ATG10: variants seen among roughly 807,000 people sequenced by gnomAD.
ATG10 encodes ubiquitin-like-conjugating enzyme ATG10.
In ATG10, 30 loss-of-function variants were observed where a neutral mutation model predicts 32.1. The observed-to-expected ratio is 0.94, with a 90% CI of 0.70 to 1.27. The LOEUF (loss-of-function observed/expected upper bound fraction) is 1.27. Ranked by LOEUF, ATG10 falls within the 50% of genes most tolerant of loss-of-function variation. The probability of loss-of-function intolerance (pLI) is 0.00; values close to 1 mark genes in which losing one functional copy is unlikely to be tolerated. For missense variants in ATG10, 233 were observed against 262.3 expected, an observed-to-expected ratio of 0.89 and a Z score of 0.77; for synonymous variants, 87 against 91.5, an observed-to-expected ratio of 0.95 and a Z score of 0.28.
intron 3 of ATG10, among the ~76,000 whole-genome samples, chr5:82,084,009 A>T (rs891781198): frequency 3.3e-5 from 5 of 152,208 alleles, no homozygotes; most frequent in Admixed American, 2.0e-4. Context: ...AAGGCTTCAG[A>T]CGATCGGTAA....
At chr5:82,012,410 T>TC (rs1762150794) in intron 2 of ATG10, among the ~76,000 whole-genome samples, 1 of 152,214 alleles carries the variant, frequency 6.6e-6, no homozygotes, top group Admixed American at 6.5e-5. Context: ...GTTTATTAGT[T>TC]ATTTGGTACT....
chr5:82,186,949 T>C (rs974167384), intron 5 of ATG10, among the ~76,000 whole-genome samples: 16 of 152,162 alleles, frequency 1.1e-4, no homozygotes, highest in Admixed American at 6.5e-4. Context: ...TTTTCCTGTT[T>C]GGGGAAACAA....
intron 5 of ATG10, among the ~76,000 whole-genome samples, chr5:82,220,134 G>A (rs1745855978): frequency 6.6e-6 from 1 of 152,220 alleles, no homozygotes; most frequent in Admixed American, 6.5e-5. Context: ...CATGGGGAAG[G>A]GAATAAGAGG....
intron 2 of ATG10, among the ~76,000 whole-genome samples, chr5:82,027,071 AAATAAAAT>A (rs1762613656): frequency 1.1e-5 from 1 of 87,208 alleles, no homozygotes; most frequent in Non-Finnish European, 2.6e-5. Context: ...AAAAATGAAT[AAATAAAAT>A]AAATAAATAA....
rs1205918418 is a variant in ATG10, at chr5:81,993,388, CTTTTT to C, written c.108+5715_108+5719del. Among the ~76,000 whole-genome samples the C allele has an allele frequency of 5.2e-3, 437 of 84,840 alleles. 8 individuals carry two copies. Among genetic ancestry groups the C allele is most frequent in the African/African-American group, 0.014 (246 of 17,140 alleles). 55.7% of individuals were successfully genotyped at this position (84,840 alleles called of 152,430 possible). A position where few individuals can be genotyped will look rare whatever the true frequency, so the allele number is the denominator to read the frequency against. On this transcript the variant is annotated intron_variant, in intron 2 of 7. Transcript: ENST00000282185. ...CTTTTCTTTTCTTTTCTTTTCTTTT[CTTTTT>C]TTTTCTTTTCTTTTCTTTTCTTTTC...
chr5:82,021,913 C>T (rs920626860), intron 2 of ATG10, among the ~76,000 whole-genome samples: 41 of 151,928 alleles, frequency 2.7e-4, no homozygotes, highest in African/African-American at 9.9e-4. Flanking sequence ...GTCCCAGCTA[C>T]TCAGGAGGCT....
chr5:82,069,751 T>C (rs1764062097), intron 3 of ATG10, among the ~76,000 whole-genome samples: 1 of 152,208 alleles, frequency 6.6e-6, no homozygotes, highest in African/African-American at 2.4e-5. Context: ...ATCTATTTTA[T>C]TAAAGGATAC....
At chr5:81,995,050 T>G (rs1164189245) in intron 2 of ATG10, among the ~76,000 whole-genome samples, 1 of 152,214 alleles carries the variant, frequency 6.6e-6, no homozygotes, top group Non-Finnish European at 1.5e-5. Context: ...CTGAAAAACA[T>G]TGTATAATCT....
In ATG10 at chr5:82,100,300, C is replaced by A. The variant is rs543778333; in HGVS notation, c.216+41698C>A. Among the ~76,000 whole-genome samples the A allele has an allele frequency of 2.0e-5, 3 of 152,208 alleles. No homozygotes were observed. The South Asian group carries it at 6.2e-4, about 32-fold the overall frequency. On this transcript the variant is annotated intron_variant, in intron 3 of 7. Transcript: ENST00000282185. ...GGGATTATAGGCGTGAGCCACCGCA[C>A]CTGGCCCAGTGATTTCTTTTTTCTA...
rs555894038 is a variant in ATG10 at position 82,094,929 on chromosome 5, AAC to A, written c.216+36332_216+36333del. Reference sequence around the variant, plus strand: ...TAGATGATACAGTGGAAAATATACAAACACACGAACACATGCACACATACATA... The same window carrying A: ...TAGATGATACAGTGGAAAATATACAAACACGAACACATGCACACATACATA... On this transcript the variant is annotated intron_variant, in intron 3 of 7. Transcript: ENST00000282185. Among the ~76,000 whole-genome samples the A allele has an allele frequency of 2.3e-3, 344 of 152,300 alleles. 1 individual carries two copies. Among genetic ancestry groups the A allele is most frequent in the African/African-American group, 8.0e-3 (332 of 41,574 alleles).
At chr5:81,986,109 C>A (rs141846189) in intron 1 of ATG10, among the ~76,000 whole-genome samples, 2 of 151,264 alleles carry the variant, frequency 1.3e-5, no homozygotes, top group African/African-American at 4.9e-5. Flanking sequence ...GGGGTTTCAC[C>A]GTGTTAGCCA....
intron 4 of ATG10, among the ~76,000 whole-genome samples, chr5:82,170,442 G>A (rs1054715544): frequency 1.3e-5 from 2 of 152,194 alleles, no homozygotes; most frequent in African/African-American, 4.8e-5. Flanking sequence ...GTTAGGTGCT[G>A]TTTTGAGAAG....
At chr5:82,023,323 T>A (rs1762501117) in intron 2 of ATG10, among the ~76,000 whole-genome samples, 1 of 152,154 alleles carries the variant, frequency 6.6e-6, no homozygotes. Context: ...TAATCATGAG[T>A]GTTTCAAGTT....
chr5:82,117,925 C>G (rs1368882775), intron 3 of ATG10, among the ~76,000 whole-genome samples: 1 of 151,968 alleles, frequency 6.6e-6, no homozygotes. Flanking sequence ...GTGGCACTAT[C>G]ACAACTGTAC....
intron 3 of ATG10, among the ~76,000 whole-genome samples, chr5:82,160,663 G>A (rs1483852707): frequency 6.6e-6 from 1 of 152,068 alleles, no homozygotes; most frequent in African/African-American, 2.4e-5. Context: ...AACATTTGGT[G>A]GTGTCCACTA....
intron 2 of ATG10, among the ~76,000 whole-genome samples, chr5:82,046,130 T>C (rs565703626): frequency 7.9e-5 from 12 of 152,232 alleles, no homozygotes; most frequent in African/African-American, 2.9e-4. Context: ...GTGTGAGCTG[T>C]CTTCAGGTTA....
intron 2 of ATG10, among the ~76,000 whole-genome samples, chr5:82,004,949 C>T (rs1164801146): frequency 6.6e-6 from 1 of 152,150 alleles, no homozygotes; most frequent in East Asian, 1.9e-4. Flanking sequence ...AAAAGAAATT[C>T]AAGAGATATA....
chr5:82,193,303 G>A (rs982914504), intron 5 of ATG10, among the ~76,000 whole-genome samples: 17 of 152,198 alleles, frequency 1.1e-4, no homozygotes. Flanking sequence ...GGTGAAAGGA[G>A]TTAAATTGAA....
chr5:82,119,547 G>A (rs188726918), intron 3 of ATG10, among the ~76,000 whole-genome samples: 2 of 152,102 alleles, frequency 1.3e-5, no homozygotes, highest in African/African-American at 4.8e-5. Flanking sequence ...TGCAACCTCC[G>A]CCTCCTGGGT....
Sources: gnomAD v4.1 joint callset for allele counts (sites outside exome capture counted in the v4.1 genomes callset) on GRCh38, gnomAD v4.1.1 for gene constraint, MANE v1.5 for transcripts, NCBI Gene and HGNC (gene_info 2026-07-23, HGNC 2026-07-21) for gene names.